Variants in DNAH9 observed in about 807,000 individuals in gnomAD.
The protein encoded by DNAH9 is DNAH9 variant protein.
In DNAH9, 345 loss-of-function variants were observed where a neutral mutation model predicts 471.6. The observed-to-expected ratio is 0.73, with a 90% confidence interval of 0.67 to 0.80. DNAH9 has a LOEUF of 0.80. Among genes scored for constraint, DNAH9 ranks in the 30% least tolerant of loss-of-function variants. DNAH9 has a pLI of 0.00. For missense variants in DNAH9, 5,407 were observed against 5,609.2 expected, an observed-to-expected ratio of 0.96 and a Z score of 1.15; for synonymous variants, 2,093 against 2,123.6, an observed-to-expected ratio of 0.99 and a Z score of 0.40.
At position 11,756,766 on chromosome 17, in the gene DNAH9, T is replaced by G. The variant is rs938810232; in HGVS notation, c.6847+90T>G. 4.9e-6 allele frequency: 4 copies of G among 808,178 alleles called. No homozygotes were observed. In the African/African-American group the frequency reaches 6.8e-5, roughly 14 times the overall value. The allele number at this position is 808,178 out of a possible 1,614,324, so 50.1% of individuals were successfully genotyped here. ...CGTAGTTTTGCTGGCTCAGAAGGAA[T>G]CTCCACATGGGAGCCAGAAGCCTCA... On this transcript the variant is annotated intron_variant, in intron 34 of 68. Transcript: ENST00000262442.
chr17:11,847,435 C>T (rs1971264802), intron 49 of DNAH9, among the ~76,000 whole-genome samples: 1 of 152,038 alleles, frequency 6.6e-6, no homozygotes, highest in Admixed American at 6.6e-5. Context: ...AATGGTTAGC[C>T]AGTTATCTCG....
intron 46 of DNAH9, 114 bp from the exon 47 acceptor site, chr17:11,822,324 T>C (rs1183572050): frequency 3.9e-6 from 5 of 1,292,952 alleles, no homozygotes; most frequent in Non-Finnish European, 4.4e-6. Flanking sequence ...ATATTATCTC[T>C]GTTGGATGTG....
At chr17:11,950,480 C>T (rs559027740) in intron 67 of DNAH9, among the ~76,000 whole-genome samples, 5 of 152,280 alleles carry the variant, frequency 3.3e-5, no homozygotes, top group African/African-American at 9.6e-5. Flanking sequence ...ATCTTCCCAC[C>T]TCAGCCACGT....
intron 1 of DNAH9, 25 bp downstream of exon 1, chr17:11,598,940 G>A (rs1447348909): frequency 2.8e-6 from 4 of 1,450,310 alleles, no homozygotes; most frequent in Non-Finnish European, 2.7e-6. Context: ...GTGTCCCCGC[G>A]CGGCTAAAGC....
At chr17:11,913,548 C>T (rs185473198) in intron 61 of DNAH9, among the ~76,000 whole-genome samples, 420 of 152,104 alleles carry the variant, frequency 2.8e-3, no homozygotes, top group Non-Finnish European at 4.3e-3. Context: ...TTTGGGAGGC[C>T]GAGGCGAGCG....
At chr17:11,653,762 A>G (rs2073563875) in intron 14 of DNAH9, among the ~76,000 whole-genome samples, 3 of 152,162 alleles carry the variant, frequency 2.0e-5, no homozygotes, top group Admixed American at 6.5e-5. Flanking sequence ...TTTATCTTTG[A>G]GAGTAAAGAG....
At chr17:11,881,685 G>A (rs1972727235) in intron 55 of DNAH9, among the ~76,000 whole-genome samples, 1 of 152,092 alleles carries the variant, frequency 6.6e-6, no homozygotes, top group Non-Finnish European at 1.5e-5. Context: ...AAGGTGGGCG[G>A]ATCATGAGGT....
intron 28 of DNAH9, 134 bp from the exon 29 acceptor site, chr17:11,738,746 A>C: frequency 4.0e-6 from 3 of 753,084 alleles, no homozygotes; most frequent in Non-Finnish European, 6.7e-6. Context: ...TGTGGTCATC[A>C]TGCCTGTCTT....
At chr17:11,599,019 AG>A (rs2072327545) in intron 1 of DNAH9, 104 bp downstream of exon 1, 3 of 953,696 alleles carry the variant, frequency 3.1e-6, no homozygotes, top group South Asian at 2.0e-5. Flanking sequence ...GCGAAGCTGC[AG>A]GGGAGGTCCA....
At chr17:11,738,775 G>A (rs1352607426) in intron 28 of DNAH9, 105 bp from the exon 29 acceptor site, 13 of 970,672 alleles carry the variant, frequency 1.3e-5, no homozygotes, top group Middle Eastern at 3.2e-4. Context: ...AGGGTCCACA[G>A]GACAGTTCTT....
rs774350960 is a variant in DNAH9 at position 11,894,481 on chromosome 17, G to A, written c.11391G>A (p.Ala3797=). The change falls in exon 59 of 69, where the codon GCG becomes GCA. Residue 3797 remains alanine, a synonymous_variant. Coordinates refer to ENST00000262442, the MANE Select transcript of DNAH9 (RefSeq NM_001372.4). ...ASPVEFLSHQ[A]WGAVKVLSSM... ...CCGTGGAGTTCCTCTCCCATCAGGC[G>A]TGGGGAGCTGTCAAGGTCAGTATTG... is the stretch of plus-strand genomic sequence containing the variant. The A allele has an allele frequency of 8.3e-5, 134 of 1,614,014 alleles. No homozygotes were observed. Among genetic ancestry groups the A allele is most frequent in the Middle Eastern group, 4.9e-4 (3 of 6,084 alleles).
chr17:11,929,111 T>C (rs1316884281), intron 62 of DNAH9, among the ~76,000 whole-genome samples: 3 of 148,226 alleles, frequency 2.0e-5, no homozygotes, highest in African/African-American at 5.0e-5. Context: ...CTTGGCTCAC[T>C]GCAAGCTCCG....
chr17:11,827,901 G>A (rs1172788506), intron 48 of DNAH9, among the ~76,000 whole-genome samples: 1 of 152,006 alleles, frequency 6.6e-6, no homozygotes, highest in East Asian at 1.9e-4. Context: ...GGTCAGGCTG[G>A]TCTCGAACTC....
At chr17:11,864,906 C>T (rs1395190405) in intron 50 of DNAH9, among the ~76,000 whole-genome samples, 1 of 152,016 alleles carries the variant, frequency 6.6e-6, no homozygotes, top group Non-Finnish European at 1.5e-5. Flanking sequence ...TATTTTGAGC[C>T]TATGTGTGTC....
Position 11,700,017 on chromosome 17 carries a change from G to T in DNAH9, c.5025+134G>T, listed in dbSNP as rs1332221754. 5 of 845,118 alleles carry T rather than the reference G, an allele frequency of 5.9e-6. No homozygotes were observed. In the African/African-American group the frequency reaches 8.5e-5, roughly 14 times the overall value. 52.4% of individuals were successfully genotyped at this position (845,118 alleles called of 1,614,324 possible). A position where few individuals can be genotyped will look rare whatever the true frequency, so the allele number is the denominator to read the frequency against. ...TGCTGTCCATGCCCTCCAAGAGCCAGCTTCTTTGACTTGAACTGATGTTGG... is the reference window on the plus strand; with the variant it reads ...TGCTGTCCATGCCCTCCAAGAGCCATCTTCTTTGACTTGAACTGATGTTGG... On this transcript the variant is annotated intron_variant, in intron 23 of 68. Transcript: ENST00000262442.
At chr17:11,839,930 T>C (rs1970974070) in intron 49 of DNAH9, among the ~76,000 whole-genome samples, 1 of 152,136 alleles carries the variant, frequency 6.6e-6, no homozygotes, top group African/African-American at 2.4e-5. Context: ...GGTCAAAGTG[T>C]GAAGAAATGG....
intron 67 of DNAH9, among the ~76,000 whole-genome samples, chr17:11,959,095 A>T (rs1975858750): frequency 5.6e-5 from 1 of 17,996 alleles, no homozygotes; most frequent in Non-Finnish European, 2.4e-3. Context: ...TCATTTTAAA[A>T]TATCAAAAAA....
intron 65 of DNAH9, among the ~76,000 whole-genome samples, chr17:11,935,045 C>A (rs1033075938): frequency 5.3e-5 from 8 of 151,912 alleles, no homozygotes; most frequent in African/African-American, 1.9e-4. Flanking sequence ...CTCACTGCAA[C>A]CTCCGCCTCC....
chr17:11,722,765 A>G (rs1340654182), intron 27 of DNAH9, among the ~76,000 whole-genome samples: 1 of 152,206 alleles, frequency 6.6e-6, no homozygotes, highest in Admixed American at 6.5e-5. Context: ...TGGAAAACCT[A>G]TAAAACCAGC....
Sources: allele counts gnomAD v4.1 joint callset (sites outside exome capture counted in the v4.1 genomes callset), GRCh38; gene constraint gnomAD v4.1.1; transcripts MANE v1.5; gene names NCBI Gene and HGNC (gene_info 2026-07-23, HGNC 2026-07-21).